NUBPL: variants seen among roughly 807,000 people sequenced by gnomAD.
NUBPL encodes NUBP iron-sulfur cluster assembly factor, mitochondrial.
NUBPL carries 31 observed loss-of-function variants against 45.7 expected under a neutral mutation model. The observed-to-expected ratio is 0.68, with a 90% CI of 0.51 to 0.92. NUBPL has a LOEUF of 0.92. Among genes scored for constraint, NUBPL ranks in the 40% least tolerant of loss-of-function variants. The probability of loss-of-function intolerance (pLI) is 0.00; values close to 1 mark genes in which losing one functional copy is unlikely to be tolerated. For synonymous variants in NUBPL, 144 were observed against 140.9 expected (o/e 1.02, Z -0.15); for missense variants, 401 against 398.7 (o/e 1.01, Z -0.05).
At chr14:31,758,579 A>G (rs979035116) in intron 6 of NUBPL, among the ~76,000 whole-genome samples, 1 of 152,184 alleles carries the variant, frequency 6.6e-6, no homozygotes, top group Non-Finnish European at 1.5e-5. Context: ...ATGTGTGTTT[A>G]TATGTGATAT....
At chr14:31,647,658 G>A (rs2035892598) in intron 4 of NUBPL, among the ~76,000 whole-genome samples, 1 of 152,184 alleles carries the variant, frequency 6.6e-6, no homozygotes, top group Admixed American at 6.5e-5. Flanking sequence ...CAGGGCTAGG[G>A]ATGGTGGTCC....
At chr14:31,762,017 C>T (rs935561745) in intron 6 of NUBPL, among the ~76,000 whole-genome samples, 3 of 152,154 alleles carry the variant, frequency 2.0e-5, no homozygotes, top group Non-Finnish European at 4.4e-5. Flanking sequence ...AATTTTTCAA[C>T]AGAAACATAT....
intron 6 of NUBPL, among the ~76,000 whole-genome samples, chr14:31,708,570 G>T (rs1199703605): frequency 6.6e-6 from 1 of 152,260 alleles, no homozygotes; most frequent in African/African-American, 2.4e-5. Flanking sequence ...CGACTGAGGA[G>T]TTGGGAGAAA....
At chr14:31,622,070 T>C (rs1386507293) in intron 4 of NUBPL, among the ~76,000 whole-genome samples, 1 of 152,142 alleles carries the variant, frequency 6.6e-6, no homozygotes, top group Non-Finnish European at 1.5e-5. Context: ...GAGGAACTTC[T>C]TGGGAATTGG....
At chr14:31,731,054 T>C (rs780372839) in intron 6 of NUBPL, among the ~76,000 whole-genome samples, 1 of 152,156 alleles carries the variant, frequency 6.6e-6, no homozygotes, top group Non-Finnish European at 1.5e-5. Flanking sequence ...ATTTGCTATG[T>C]TCAAAGAAAT....
At chr14:31,657,224 T>C (rs1350954311) in intron 4 of NUBPL, among the ~76,000 whole-genome samples, 1 of 152,174 alleles carries the variant, frequency 6.6e-6, no homozygotes, top group Non-Finnish European at 1.5e-5. Context: ...TTTAATGTGG[T>C]ATGGCAGTCA....
intron 6 of NUBPL, among the ~76,000 whole-genome samples, chr14:31,690,549 A>C (rs1351321334): frequency 6.6e-6 from 1 of 152,178 alleles, no homozygotes; most frequent in Admixed American, 6.5e-5. Context: ...CTCATTATGC[A>C]GGATACTCTA....
At chr14:31,780,435 A>G (rs1387242110) in intron 6 of NUBPL, among the ~76,000 whole-genome samples, 1 of 152,138 alleles carries the variant, frequency 6.6e-6, no homozygotes, top group Non-Finnish European at 1.5e-5. Flanking sequence ...TGGTTTCTAA[A>G]TTTTGTAGGA....
At chr14:31,731,081 A>G (rs2038039245) in intron 6 of NUBPL, among the ~76,000 whole-genome samples, 1 of 152,232 alleles carries the variant, frequency 6.6e-6, no homozygotes, top group African/African-American at 2.4e-5. Flanking sequence ...AAAAATAAAA[A>G]TCTAGCAACA....
chr14:31,681,838 ATAACT>A (rs1425991836), intron 6 of NUBPL, among the ~76,000 whole-genome samples: 1 of 152,094 alleles, frequency 6.6e-6, no homozygotes, highest in Non-Finnish European at 1.5e-5. Flanking sequence ...GATCTTCTTA[ATAACT>A]TAATGGCATT....
intron 6 of NUBPL, among the ~76,000 whole-genome samples, chr14:31,782,914 T>G (rs796243301): frequency 3.9e-5 from 6 of 152,344 alleles, no homozygotes; most frequent in African/African-American, 1.4e-4. Flanking sequence ...GCATAATTTT[T>G]AGAGACCAAA....
chr14:31,683,841 CCTT>C (rs745961669), intron 6 of NUBPL, among the ~76,000 whole-genome samples: 1 of 152,008 alleles, frequency 6.6e-6, no homozygotes, highest in Non-Finnish European at 1.5e-5. Context: ...ATTTTTCCCT[CCTT>C]ATTTTCACTG....
At chr14:31,741,380 C>T (rs1160021141) in intron 6 of NUBPL, among the ~76,000 whole-genome samples, 1 of 152,142 alleles carries the variant, frequency 6.6e-6, no homozygotes, top group Non-Finnish European at 1.5e-5. Flanking sequence ...TTAGGTGGGA[C>T]AGAATGACTA....
intron 4 of NUBPL, among the ~76,000 whole-genome samples, chr14:31,615,024 C>G (rs2034859127): frequency 6.6e-6 from 1 of 151,982 alleles, no homozygotes; most frequent in African/African-American, 2.4e-5. Context: ...GCTCTGTATC[C>G]CCACCCCAAT....
At chr14:31,751,187 G>T (rs570733968) in intron 6 of NUBPL, among the ~76,000 whole-genome samples, 1 of 152,256 alleles carries the variant, frequency 6.6e-6, no homozygotes, top group South Asian at 2.1e-4. Flanking sequence ...TTTGGCCCCT[G>T]GTCCCTCCCA....
chr14:31,745,598 G>A (rs930842170), intron 6 of NUBPL, among the ~76,000 whole-genome samples: 13 of 151,368 alleles, frequency 8.6e-5, no homozygotes, highest in Middle Eastern at 3.4e-3. Flanking sequence ...TGTTATTGCT[G>A]TATGTAAATG....
At chr14:31,610,874 C>A (rs996626810) in intron 4 of NUBPL, among the ~76,000 whole-genome samples, 10 of 152,124 alleles carry the variant, frequency 6.6e-5, no homozygotes, top group Admixed American at 2.0e-4. Flanking sequence ...TGATAAAATT[C>A]AACATCCCTT....
chr14:31,760,097 A>C (rs527902638), intron 6 of NUBPL, among the ~76,000 whole-genome samples: 42 of 134,436 alleles, frequency 3.1e-4, no homozygotes, highest in African/African-American at 1.1e-3. Flanking sequence ...GAACTCTATT[A>C]CTTCTATTAC....
intron 4 of NUBPL, among the ~76,000 whole-genome samples, chr14:31,635,606 G>GT (rs1243981204): frequency 6.6e-6 from 1 of 151,856 alleles, no homozygotes; most frequent in Non-Finnish European, 1.5e-5. Context: ...CTTTAAAGTA[G>GT]TTTTTTCCAA....
Sources: allele counts gnomAD v4.1 joint callset (sites outside exome capture counted in the v4.1 genomes callset), GRCh38; gene constraint gnomAD v4.1.1; transcripts MANE v1.5; gene names NCBI Gene and HGNC (gene_info 2026-07-23, HGNC 2026-07-21).